The following NLRP14 variants were observed in gnomAD, a reference collection of about 807,000 sequenced individuals.
NLRP14 encodes NLR family pyrin domain containing 14.
A neutral mutation model predicts 94.7 loss-of-function variants in NLRP14; 105 were observed. The ratio of observed to expected loss-of-function variants is 1.11; its 90% CI spans 0.95 to 1.30. The LOEUF is 1.30. NLRP14 is among the 50% of genes most tolerant of loss of function. The pLI is 0.00. For missense variants in NLRP14, 1,362 were observed against 1,254.1 expected, an observed-to-expected ratio of 1.09 and a Z score of -1.30; for synonymous variants, 508 against 459.9, an observed-to-expected ratio of 1.10 and a Z score of -1.34.
At chr11:7,033,774 T>C (rs1852126687) in intron 1 of NLRP14, among the ~76,000 whole-genome samples, 1 of 152,214 alleles carries the variant, frequency 6.6e-6, no homozygotes, top group African/African-American at 2.4e-5. Context: ...TCTGTGAAAG[T>C]TTCTCAGTCT....
chr11:7,077,229 G>A, the NLRP14 span, among the ~76,000 whole-genome samples: 1 of 152,332 alleles, frequency 6.6e-6, no homozygotes, highest in East Asian at 1.9e-4. Flanking sequence ...GGCGTGGGGC[G>A]CCTGGTAGGG....
In NLRP14 at chr11:7,042,517, A is replaced by G; in HGVS notation, c.491A>G (p.His164Arg). 1 of 1,614,208 alleles carries G rather than the reference A, an allele frequency of 6.2e-7. No individual in the cohort carries two copies. The highest frequency in any genetic ancestry group is 8.5e-7 in the Non-Finnish European group (1 of 1,180,006). ...GAGAAAGATAGAAAACTGTTGGAAC[A>G]CTTGTTCGATGTGGATGTCAAAACC... ...IAEKDRKLLE[H>R]LFDVDVKTGA... Residue 164 changes from histidine (H) to arginine (R), a missense_variant, in exon 4 of 12, where the codon CAC (histidine) becomes CGC (arginine). By Grantham distance (29) the His-to-Arg change is conservative. Coordinates refer to ENST00000299481, the MANE Select transcript of NLRP14 (RefSeq NM_176822.4).
Position 7,062,741 on chromosome 11 carries a change from C to T in NLRP14, c.2975+238C>T, listed in dbSNP as rs369214996. On this transcript the variant is annotated intron_variant, in intron 10 of 11. Coordinates refer to ENST00000299481, the MANE Select transcript of NLRP14 (RefSeq NM_176822.4). Reference sequence around the variant, plus strand: ...TAGTACCTTGGACAGATACTTAGTACGCAAATGGTACCTGGTTTGGGTCTT... The same window carrying T: ...TAGTACCTTGGACAGATACTTAGTATGCAAATGGTACCTGGTTTGGGTCTT... Among the ~76,000 whole-genome samples, 10 of 152,104 alleles carry T rather than the reference C, an allele frequency of 6.6e-5. No homozygotes were observed. The East Asian group carries it at 7.7e-4, about 12-fold the overall frequency.
At chr11:7,064,892 C>T (rs961671814) in intron 10 of NLRP14, among the ~76,000 whole-genome samples, 2 of 151,786 alleles carry the variant, frequency 1.3e-5, no homozygotes, top group Non-Finnish European at 2.9e-5. Flanking sequence ...TTGTTATAAA[C>T]CACATTTTCA....
chr11:7,022,342 T>C (rs187814282), intron 1 of NLRP14, among the ~76,000 whole-genome samples: 1 of 152,288 alleles, frequency 6.6e-6, no homozygotes, highest in Admixed American at 6.5e-5. Flanking sequence ...CTGCCTTGCA[T>C]GGGAAGAGAG....
intron 10 of NLRP14, among the ~76,000 whole-genome samples, chr11:7,068,008 T>C (rs1852731923): frequency 6.6e-6 from 1 of 152,120 alleles, no homozygotes; most frequent in South Asian, 2.1e-4. Context: ...TAGGGTACTT[T>C]TTAGTAAGTA....
intron 6 of NLRP14, among the ~76,000 whole-genome samples, chr11:7,055,183 A>G (rs1852500195): frequency 6.6e-6 from 1 of 152,150 alleles, no homozygotes; most frequent in Non-Finnish European, 1.5e-5. Context: ...ATCTCAAATT[A>G]CAGAGCCAAT....
chr11:7,059,923 G>A lies in NLRP14; in HGVS notation c.2663G>A (p.Ser888Asn). 2 of 1,612,148 alleles carry A rather than the reference G, an allele frequency of 1.2e-6. No individual in the cohort carries two copies. The highest frequency in any genetic ancestry group is 1.7e-6 in the Non-Finnish European group (2 of 1,178,580). Residue 888 changes from serine (S) to asparagine (N), a missense_variant, in exon 9 of 12, where the codon AGC becomes AAC. Ser to Asn is a conservative substitution (Grantham distance 46, BLOSUM62 1). Coordinates refer to ENST00000299481, the MANE Select transcript of NLRP14 (RefSeq NM_176822.4). ...VLRRCHFTSL[S>N]SEYLSTSLLH... Reference sequence around the variant, plus strand: ...AGGCGTTGCCATTTCACTTCACTTAGCAGTGAATATCTGTCAACTTCTCTT... The same window carrying A: ...AGGCGTTGCCATTTCACTTCACTTAACAGTGAATATCTGTCAACTTCTCTT...
chr11:7,056,794 C>T (rs1209222731), intron 6 of NLRP14, among the ~76,000 whole-genome samples: 2 of 151,888 alleles, frequency 1.3e-5, no homozygotes, highest in African/African-American at 2.4e-5. Context: ...TAATTTTTAA[C>T]TTAAGGTGAT....
At chr11:7,022,660 A>G (rs969668120) in intron 1 of NLRP14, among the ~76,000 whole-genome samples, 1 of 152,202 alleles carries the variant, frequency 6.6e-6, no homozygotes, top group Non-Finnish European at 1.5e-5. Flanking sequence ...AGTGCACAGA[A>G]AATTTTCAGA....
the NLRP14 span, among the ~76,000 whole-genome samples, chr11:7,077,675 C>G: frequency 1.3e-5 from 2 of 152,216 alleles, no homozygotes; most frequent in Non-Finnish European, 2.9e-5. Context: ...GTGAAAGGCA[C>G]GTCTCACGTG....
intron 10 of NLRP14, among the ~76,000 whole-genome samples, chr11:7,067,047 T>C (rs992633000): frequency 1.3e-5 from 2 of 152,182 alleles, no homozygotes; most frequent in African/African-American, 4.8e-5. Context: ...TTTTGCTCTG[T>C]TCCATTGGTC....
rs1852281291 is a variant in NLRP14, at chr11:7,042,813, G to T, written c.787G>T (p.Glu263Ter). The stretch of plus-strand genomic sequence containing the variant: ...CTTGTTTATTATTGACAGTTTCGAT[G>T]AACTGAACTTTGCCTTTGAAGAACC... ...SLLFIIDSFD[E>*]LNFAFEEPEF... Residue 263 changes from glutamate (E) to a stop codon, truncating the protein, a stop_gained, in exon 4 of 12, where the codon GAA becomes TAA. Coordinates refer to ENST00000299481, the MANE Select transcript of NLRP14 (RefSeq NM_176822.4). LOFTEE classifies it high-confidence loss of function. 6.2e-7 allele frequency: 1 copy of T among 1,614,174 alleles called. No homozygotes were observed. The highest frequency in any genetic ancestry group is 8.5e-7 in the Non-Finnish European group (1 of 1,180,022).
the NLRP14 span, among the ~76,000 whole-genome samples, chr11:7,084,118 T>G: frequency 2.0e-5 from 3 of 152,344 alleles, no homozygotes; most frequent in Non-Finnish European, 4.4e-5. Context: ...ACTTTGAAAC[T>G]GCTATTTATA....
chr11:7,032,220 T>G (rs1450856004), intron 1 of NLRP14, among the ~76,000 whole-genome samples: 1 of 152,236 alleles, frequency 6.6e-6, no homozygotes, highest in East Asian at 1.9e-4. Flanking sequence ...TTATTTTAAG[T>G]ACATTTTGGT....
At chr11:7,035,609 G>T (rs750404684) in intron 1 of NLRP14, among the ~76,000 whole-genome samples, 1 of 152,072 alleles carries the variant, frequency 6.6e-6, no homozygotes, top group East Asian at 1.9e-4. Context: ...TAATTAGAGC[G>T]ACCAAGAAAG....
chr11:7,090,826 T>C, the NLRP14 span: 1 of 172,288 alleles, frequency 5.8e-6, no homozygotes, highest in Non-Finnish European at 1.4e-5. Flanking sequence ...ACAAAAGTGA[T>C]TTAGATCAAA....
At chr11:7,031,730 T>G (rs1852099994) in intron 1 of NLRP14, among the ~76,000 whole-genome samples, 1 of 152,162 alleles carries the variant, frequency 6.6e-6, no homozygotes, top group Non-Finnish European at 1.5e-5. Context: ...CTGCCGTCTT[T>G]CATTCACTCT....
At chr11:7,068,534 C>T (rs1398730010) in intron 10 of NLRP14, among the ~76,000 whole-genome samples, 2 of 152,176 alleles carry the variant, frequency 1.3e-5, no homozygotes, top group African/African-American at 4.8e-5. Flanking sequence ...TTTTTATATT[C>T]AGTCTGTAGA....
Sources: allele counts gnomAD v4.1 joint callset (sites outside exome capture counted in the v4.1 genomes callset), GRCh38; gene constraint gnomAD v4.1.1; transcripts MANE v1.5; gene names NCBI Gene and HGNC (gene_info 2026-07-23, HGNC 2026-07-21).